GRM7: variants seen among roughly 807,000 people sequenced by gnomAD.
GRM7 encodes the protein glutamate metabotropic receptor 7, also known as metabotropic glutamate receptor 7.
Under a neutral mutation model 84.5 loss-of-function variants are expected in GRM7, and 35 were observed. That is an observed-to-expected ratio of 0.41 (90% CI 0.32 to 0.55). The LOEUF (loss-of-function observed/expected upper bound fraction) is 0.55. Ranked by LOEUF, GRM7 falls within the 20% of genes least tolerant of loss-of-function variation. The pLI, the probability that GRM7 is intolerant of heterozygous loss-of-function variation, is 0.19. For missense variants in GRM7, 1,003 were observed against 1,194.6 expected, an observed-to-expected ratio of 0.84 and a Z score of 2.36; for synonymous variants, 487 against 455.1, an observed-to-expected ratio of 1.07 and a Z score of -0.89.
chr3:7,713,323 G>A (rs1701657405), intron 9 of GRM7, among the ~76,000 whole-genome samples: 1 of 151,660 alleles, frequency 6.6e-6, no homozygotes. Context: ...TTTTAGTAGA[G>A]ATGGAGTTTG....
At chr3:7,003,857 G>C (rs1216504298) in intron 1 of GRM7, among the ~76,000 whole-genome samples, 1 of 152,054 alleles carries the variant, frequency 6.6e-6, no homozygotes, top group Non-Finnish European at 1.5e-5. Context: ...AGCTAACTTG[G>C]GGTATCTCAT....
At chr3:7,662,338 G>T (rs763199563) in intron 8 of GRM7, among the ~76,000 whole-genome samples, 9 of 152,180 alleles carry the variant, frequency 5.9e-5, no homozygotes, top group Non-Finnish European at 1.3e-4. Context: ...GTGTACATCT[G>T]TCAAAATGTA....
At chr3:6,880,629 G>A (rs535803096) in intron 1 of GRM7, among the ~76,000 whole-genome samples, 1 of 151,708 alleles carries the variant, frequency 6.6e-6, no homozygotes, top group Admixed American at 6.6e-5. Flanking sequence ...ATGCCTTTGA[G>A]CAAATCTGTT....
chr3:7,357,702 C>G (rs951364264), intron 4 of GRM7, among the ~76,000 whole-genome samples: 1 of 152,106 alleles, frequency 6.6e-6, no homozygotes, highest in South Asian at 2.1e-4. Context: ...TCATCACATT[C>G]CCTGTCCTTT....
At chr3:7,055,522 T>TAC (rs542258185) in intron 1 of GRM7, among the ~76,000 whole-genome samples, 2 of 149,220 alleles carry the variant, frequency 1.3e-5, no homozygotes, top group South Asian at 4.2e-4. Context: ...TATATATATA[T>TAC]ACATACACAC....
intron 1 of GRM7, among the ~76,000 whole-genome samples, chr3:6,973,315 A>C (rs1559361048): frequency 6.6e-6 from 1 of 152,028 alleles, no homozygotes; most frequent in Non-Finnish European, 1.5e-5. Context: ...AACATCTACT[A>C]TGTACCATGT....
chr3:7,317,602 A>C (rs531354453), intron 4 of GRM7, among the ~76,000 whole-genome samples: 2 of 152,262 alleles, frequency 1.3e-5, no homozygotes, highest in African/African-American at 4.8e-5. Context: ...GTTAACCTAC[A>C]TCAGTTACAG....
At chr3:7,444,101 G>C (rs1321009949) in intron 5 of GRM7, among the ~76,000 whole-genome samples, 29 of 152,132 alleles carry the variant, frequency 1.9e-4, no homozygotes. Flanking sequence ...TAATTGCACA[G>C]ATTCGTTTTT....
chr3:6,917,586 G>T (rs763383500), intron 1 of GRM7, among the ~76,000 whole-genome samples: 1 of 151,338 alleles, frequency 6.6e-6, no homozygotes, highest in Non-Finnish European at 1.5e-5. Context: ...GAATGCAGAG[G>T]CACAAACAAA....
intron 2 of GRM7, among the ~76,000 whole-genome samples, chr3:7,274,288 C>A (rs1393675460): frequency 2.0e-4 from 30 of 152,026 alleles, no homozygotes; most frequent in Non-Finnish European, 1.0e-4. Flanking sequence ...TCTGTTAGAT[C>A]AATAAAGAAT....
chr3:7,060,314 T>C (rs1237242537), intron 1 of GRM7, among the ~76,000 whole-genome samples: 3 of 151,812 alleles, frequency 2.0e-5, no homozygotes, highest in African/African-American at 7.2e-5. Flanking sequence ...TCTAACAGGA[T>C]CTTGAATTCA....
intron 6 of GRM7, among the ~76,000 whole-genome samples, chr3:7,456,097 C>CA (rs1398966115): frequency 6.6e-6 from 1 of 151,888 alleles, no homozygotes; most frequent in African/African-American, 2.4e-5. Context: ...TTCCCAGAGT[C>CA]AAACAATATA....
chr3:7,656,522 A>AAT (rs576010138), intron 8 of GRM7, among the ~76,000 whole-genome samples: 2,651 of 128,558 alleles, frequency 0.021, 36 homozygotes, highest in South Asian at 0.028. Context: ...AATAAAAAAA[A>AAT]ATATATATAT....
At chr3:7,426,963 C>T (rs1473380448) in intron 5 of GRM7, among the ~76,000 whole-genome samples, 2 of 152,104 alleles carry the variant, frequency 1.3e-5, no homozygotes, top group African/African-American at 4.8e-5. Context: ...CTTGTGTTTC[C>T]CTAAAGGTGC....
At chr3:7,281,147 C>G (rs1196467392) in intron 2 of GRM7, among the ~76,000 whole-genome samples, 1 of 152,072 alleles carries the variant, frequency 6.6e-6, no homozygotes, top group Admixed American at 6.6e-5. Flanking sequence ...ATTCCATGCA[C>G]TCGGGTATTT....
At chr3:6,985,450 T>C (rs1694373832) in intron 1 of GRM7, among the ~76,000 whole-genome samples, 1 of 152,206 alleles carries the variant, frequency 6.6e-6, no homozygotes, top group South Asian at 2.1e-4. Flanking sequence ...TGTGAGAACA[T>C]GTGATGTTTG....
At chr3:7,008,515 G>T (rs1202194696) in intron 1 of GRM7, among the ~76,000 whole-genome samples, 2 of 152,168 alleles carry the variant, frequency 1.3e-5, no homozygotes, top group Non-Finnish European at 2.9e-5. Context: ...GTTGCTGAGT[G>T]AGAAACTCAA....
rs1218949173 is a variant in GRM7 at position 7,653,180 on chromosome 3, C to CTTTTTTTTTTT, written c.2452-26855_2452-26845dup. ...ACTTTCCATTGTAACATACTATATC[C>CTTTTTTTTTTT]TTTTTTTTTTTTTTTTTTTTTTTTG... On this transcript the variant is annotated intron_variant, in intron 8 of 9. Transcript: ENST00000357716. 8.9e-5 allele frequency among the ~76,000 whole-genome samples: 8 copies of CTTTTTTTTTTT among 89,520 alleles called. 1 individual carries two copies. Among genetic ancestry groups the CTTTTTTTTTTT allele is most frequent in the East Asian group, 3.6e-4 (1 of 2,814 alleles). 58.7% of individuals were successfully genotyped at this position (89,520 alleles called of 152,430 possible).
At chr3:6,907,190 C>T (rs1465193001) in intron 1 of GRM7, among the ~76,000 whole-genome samples, 1 of 152,098 alleles carries the variant, frequency 6.6e-6, no homozygotes, top group Non-Finnish European at 1.5e-5. Flanking sequence ...CAGGCATGAG[C>T]CACTATGCTT....
Sources: gnomAD v4.1 joint callset for allele counts (sites outside exome capture counted in the v4.1 genomes callset) on GRCh38, gnomAD v4.1.1 for gene constraint, MANE v1.5 for transcripts, NCBI Gene and HGNC (gene_info 2026-07-23, HGNC 2026-07-21) for gene names.